KIF5C: variants seen among roughly 807,000 people sequenced by gnomAD.
KIF5C encodes the protein kinesin heavy chain isoform 5C.
A neutral mutation model predicts 125.2 loss-of-function variants in KIF5C; 18 were observed. The ratio of observed to expected loss-of-function variants is 0.14; its 90% CI spans 0.10 to 0.21. The LOEUF (loss-of-function observed/expected upper bound fraction) is 0.21, where lower values mean the gene tolerates loss of function less well. Ranked by LOEUF, KIF5C falls within the 10% of genes least tolerant of loss-of-function variation. KIF5C has a pLI of 1.00. For missense variants in KIF5C, 780 were observed against 1,183.8 expected (o/e 0.66, Z 5.01); for synonymous variants, 405 against 434.0 (o/e 0.93, Z 0.83).
At position 148,991,205 on chromosome 2, in the gene KIF5C, C is replaced by T. The variant is rs1422371217; in HGVS notation, c.1905+7C>T. 2 of 1,611,816 alleles carry T rather than the reference C, an allele frequency of 1.2e-6. No individual in the cohort carries two copies. Among genetic ancestry groups the T allele is most frequent in the African/African-American group, 1.3e-5 (1 of 74,858 alleles). ...CCAGCTGCTCATCTCCCAGGTGGGCCCTTCCCTTCCCCATCATTGCACTCT... is the reference window on the plus strand; with the variant it reads ...CCAGCTGCTCATCTCCCAGGTGGGCTCTTCCCTTCCCCATCATTGCACTCT... On this transcript the variant is annotated splice_region_variant and intron_variant, in intron 16 of 25. Coordinates refer to ENST00000435030, the MANE Select transcript of KIF5C (RefSeq NM_004522.3).
chr2:148,978,276 A>G (rs1681131653), intron 12 of KIF5C, among the ~76,000 whole-genome samples: 2 of 141,170 alleles, frequency 1.4e-5, no homozygotes, highest in Admixed American at 1.5e-4. Context: ...TGCCTTTCCC[A>G]CTTCAGTGAC....
At chr2:148,984,276 C>T (rs1287313804) in intron 15 of KIF5C, among the ~76,000 whole-genome samples, 2 of 152,196 alleles carry the variant, frequency 1.3e-5, no homozygotes, top group East Asian at 3.8e-4. Context: ...ATCTGCCTCA[C>T]CTGGGAGCTT....
chr2:148,992,521 G>A (rs955311513), intron 16 of KIF5C, among the ~76,000 whole-genome samples: 7 of 152,100 alleles, frequency 4.6e-5, no homozygotes, highest in African/African-American at 1.7e-4. Context: ...AAAATAAATT[G>A]CCCAAATATC....
At chr2:148,930,339 T>TTC (rs1682148171) in intron 3 of KIF5C, among the ~76,000 whole-genome samples, 1 of 151,988 alleles carries the variant, frequency 6.6e-6, no homozygotes, top group African/African-American at 2.4e-5. Context: ...TTTTTTTTTT[T>TTC]TCTTTAAATC....
intron 1 of KIF5C, among the ~76,000 whole-genome samples, chr2:148,919,355 C>G (rs1006737166): frequency 2.0e-5 from 3 of 152,202 alleles, no homozygotes; most frequent in African/African-American, 7.2e-5. Context: ...GGACTCGTGT[C>G]TCCAGAAGGA....
chr2:148,917,585 A>G (rs962119229), intron 1 of KIF5C, among the ~76,000 whole-genome samples: 8 of 152,366 alleles, frequency 5.3e-5, no homozygotes, highest in Non-Finnish European at 1.2e-4. Context: ...TGTTGGTGAC[A>G]GTGTTAAGGT....
At chr2:148,966,097 TCC>T (rs1184333487) in intron 11 of KIF5C, among the ~76,000 whole-genome samples, 2 of 152,124 alleles carry the variant, frequency 1.3e-5, no homozygotes, top group African/African-American at 4.8e-5. Flanking sequence ...TTGCCAACTT[TCC>T]TTTGAAACTT....
intron 2 of KIF5C, among the ~76,000 whole-genome samples, chr2:148,927,208 T>C (rs926733469): frequency 2.0e-5 from 3 of 152,158 alleles, no homozygotes; most frequent in African/African-American, 7.2e-5. Context: ...TGTTTAGTGA[T>C]GGACCCAGAG....
At chr2:148,938,796 C>G (rs1019759520) in intron 4 of KIF5C, among the ~76,000 whole-genome samples, 3 of 152,012 alleles carry the variant, frequency 2.0e-5, no homozygotes, top group African/African-American at 7.2e-5. Context: ...TTTAAAGATG[C>G]AGGGTTAGGC....
At chr2:148,901,942 T>G (rs530100450) in intron 1 of KIF5C, among the ~76,000 whole-genome samples, 1 of 152,216 alleles carries the variant, frequency 6.6e-6, no homozygotes, top group East Asian at 1.9e-4. Flanking sequence ...CTGGAACAAA[T>G]GTAAGGAAGG....
intron 10 of KIF5C, among the ~76,000 whole-genome samples, chr2:148,958,174 C>A (rs951700743): frequency 8.6e-5 from 13 of 152,034 alleles, no homozygotes; most frequent in Admixed American, 8.5e-4. Context: ...GGTTGTCATG[C>A]CTTTGGGTGA....
In KIF5C at chr2:148,949,925, T is replaced by C; in HGVS notation, c.801T>C (p.Ser267=). The C allele has an allele frequency of 3.1e-6, 5 of 1,613,732 alleles. No individual in the cohort carries two copies. The highest frequency in any genetic ancestry group is 4.2e-6 in the Non-Finnish European group (5 of 1,179,796). ...KSLSALGNVI[S]ALAEGTKTHV... is the part of the protein sequence containing the mutation. ...TGTCTGCTCTTGGAAATGTGATCTC[T>C]GCTTTGGCAGAAGGGACAGTAAGTG... Residue 267 remains serine, a synonymous_variant, in exon 9 of 26, where the codon TCT becomes TCC. Transcript: ENST00000435030.
intron 25 of KIF5C, among the ~76,000 whole-genome samples, chr2:149,014,902 T>TA (rs1401622553): frequency 2.6e-5 from 4 of 152,120 alleles, no homozygotes; most frequent in South Asian, 2.1e-4. Flanking sequence ...TTAAAGATAA[T>TA]ATTGGCCGGG....
intron 1 of KIF5C, among the ~76,000 whole-genome samples, chr2:148,899,965 TCTGC>T (rs1680831198): frequency 6.6e-6 from 1 of 152,194 alleles, no homozygotes; most frequent in Non-Finnish European, 1.5e-5. Flanking sequence ...GCCACTTCAT[TCTGC>T]CTAACTTTAA....
intron 1 of KIF5C, among the ~76,000 whole-genome samples, chr2:148,906,993 G>C (rs539907180): frequency 7.0e-4 from 107 of 152,306 alleles, no homozygotes; most frequent in African/African-American, 2.5e-3. Flanking sequence ...CCAGAAGTTT[G>C]AGACTACAGT....
intron 3 of KIF5C, 23 bp downstream of exon 3, chr2:148,929,377 T>G: frequency 6.9e-7 from 1 of 1,450,700 alleles, no homozygotes; most frequent in Non-Finnish European, 9.4e-7. Context: ...TGTGCTCTAA[T>G]GCGAATCTCT....
intron 4 of KIF5C, among the ~76,000 whole-genome samples, chr2:148,938,395 A>T (rs74997742): frequency 0.063 from 9,642 of 152,262 alleles, 406 homozygotes; most frequent in Middle Eastern, 0.18. Flanking sequence ...ATTCTTGAGC[A>T]TATCGTCACC....
intron 3 of KIF5C, among the ~76,000 whole-genome samples, chr2:148,932,985 GA>G (rs1682213735): frequency 6.6e-6 from 1 of 152,152 alleles, no homozygotes; most frequent in South Asian, 2.1e-4. Flanking sequence ...TTTGCGGATA[GA>G]ATTATACAGG....
chr2:149,008,866 T>C (rs977258028), intron 23 of KIF5C, among the ~76,000 whole-genome samples: 1 of 152,158 alleles, frequency 6.6e-6, no homozygotes, highest in East Asian at 1.9e-4. Flanking sequence ...AGATTCTAGA[T>C]AGTTGAAGTC....
Sources: allele counts gnomAD v4.1 joint callset (sites outside exome capture counted in the v4.1 genomes callset), GRCh38; gene constraint gnomAD v4.1.1; transcripts MANE v1.5; gene names NCBI Gene and HGNC (gene_info 2026-07-23, HGNC 2026-07-21).